DLG2: variants seen among roughly 807,000 people sequenced by gnomAD.
DLG2 encodes the protein discs large MAGUK scaffold protein 2.
DLG2 carries 45 observed loss-of-function variants against 132.5 expected under a neutral mutation model. That is an observed-to-expected ratio of 0.34 (90% confidence interval 0.27 to 0.44). The LOEUF is 0.44. Ranked by LOEUF, DLG2 falls within the 20% of genes least tolerant of loss-of-function variation. DLG2 has a pLI of 1.00. For synonymous variants in DLG2, 424 were observed against 419.6 expected (o/e 1.01, Z -0.13); for missense variants, 1,045 against 1,196.9 (o/e 0.87, Z 1.87).
chr11:84,186,616 C>T (rs185603803), intron 8 of DLG2, among the ~76,000 whole-genome samples: 30 of 152,024 alleles, frequency 2.0e-4, no homozygotes, highest in Non-Finnish European at 3.5e-4. Flanking sequence ...ACCTCTAATA[C>T]CCCACAGAGT....
intron 4 of DLG2, among the ~76,000 whole-genome samples, chr11:85,190,872 T>C (rs888922694): frequency 1.3e-5 from 2 of 152,176 alleles, no homozygotes; most frequent in Admixed American, 1.3e-4. Context: ...GTTGGTGATG[T>C]TGTGAAGAAA....
chr11:84,788,866 A>G (rs2073373504), intron 6 of DLG2, among the ~76,000 whole-genome samples: 1 of 152,104 alleles, frequency 6.6e-6, no homozygotes, highest in Non-Finnish European at 1.5e-5. Context: ...GTTTCCTCAT[A>G]TTATGGTCCT....
chr11:83,587,490 C>T (rs372014983), intron 19 of DLG2, among the ~76,000 whole-genome samples: 3 of 152,194 alleles, frequency 2.0e-5, no homozygotes, highest in Admixed American at 6.5e-5. Context: ...AGGCAGATCT[C>T]GAACTCCTGA....
chr11:84,942,640 A>T (rs1011803247), intron 6 of DLG2, among the ~76,000 whole-genome samples: 1 of 152,174 alleles, frequency 6.6e-6, no homozygotes, highest in African/African-American at 2.4e-5. Context: ...TCATGGCCCA[A>T]CATATGGGCA....
At chr11:85,103,054 T>C (rs2071131910) in intron 6 of DLG2, among the ~76,000 whole-genome samples, 1 of 152,018 alleles carries the variant, frequency 6.6e-6, no homozygotes, top group South Asian at 2.1e-4. Flanking sequence ...TTGGAATAAA[T>C]TTAGCAAAAG....
intron 6 of DLG2, among the ~76,000 whole-genome samples, chr11:84,796,932 T>C (rs1164522935): frequency 6.6e-6 from 1 of 151,998 alleles, no homozygotes; most frequent in Non-Finnish European, 1.5e-5. Context: ...CTGCAACCTC[T>C]GCCTCCTGGG....
chr11:85,518,730 A>T (rs1254699792), intron 3 of DLG2, among the ~76,000 whole-genome samples: 1 of 152,202 alleles, frequency 6.6e-6, no homozygotes, highest in Non-Finnish European at 1.5e-5. Flanking sequence ...CATGTTAGAG[A>T]TCTTCACAGC....
chr11:84,963,988 A>G (rs902945025), intron 6 of DLG2, among the ~76,000 whole-genome samples: 1 of 152,158 alleles, frequency 6.6e-6, no homozygotes, highest in Non-Finnish European at 1.5e-5. Context: ...TAATTAAAAT[A>G]TATCTATTTT....
At chr11:85,105,239 C>T (rs1315151923) in intron 6 of DLG2, among the ~76,000 whole-genome samples, 1 of 151,844 alleles carries the variant, frequency 6.6e-6, no homozygotes, top group Non-Finnish European at 1.5e-5. Context: ...AACCAATGTC[C>T]CCCTCCATAA....
At chr11:83,579,441 C>G (rs984041878) in intron 19 of DLG2, among the ~76,000 whole-genome samples, 1 of 152,124 alleles carries the variant, frequency 6.6e-6, no homozygotes, top group African/African-American at 2.4e-5. Flanking sequence ...TAATGGATAT[C>G]GCCACATTCC....
chr11:85,572,069 C>A (rs574800452), intron 3 of DLG2, among the ~76,000 whole-genome samples: 53 of 152,204 alleles, frequency 3.5e-4, no homozygotes, highest in Admixed American at 1.8e-3. Flanking sequence ...TTTCTCTTGA[C>A]AAAGTGCTCT....
At chr11:84,725,737 T>C (rs557035099) in intron 6 of DLG2, among the ~76,000 whole-genome samples, 4 of 152,178 alleles carry the variant, frequency 2.6e-5, no homozygotes, top group Non-Finnish European at 4.4e-5. Flanking sequence ...TACTATAGCA[T>C]TGCTATAAGG....
intron 7 of DLG2, among the ~76,000 whole-genome samples, chr11:84,487,008 T>G (rs1249683305): frequency 2.6e-5 from 4 of 152,058 alleles, no homozygotes; most frequent in Non-Finnish European, 5.9e-5. Flanking sequence ...CTACCCAAAA[T>G]TGGAAGTGAG....
chr11:84,450,979 G>A (rs144139310), intron 7 of DLG2, among the ~76,000 whole-genome samples: 6 of 151,766 alleles, frequency 4.0e-5, no homozygotes, highest in South Asian at 4.2e-4. Context: ...TCAGCATCAC[G>A]CAATATACCC....
chr11:85,035,382 T>C (rs1008955490), intron 6 of DLG2, among the ~76,000 whole-genome samples: 1 of 152,210 alleles, frequency 6.6e-6, no homozygotes, highest in Admixed American at 6.5e-5. Context: ...AGAGGTTTAA[T>C]TGATTCACAG....
At chr11:84,730,551 G>T (rs2063036181) in intron 6 of DLG2, among the ~76,000 whole-genome samples, 1 of 151,936 alleles carries the variant, frequency 6.6e-6, no homozygotes, top group African/African-American at 2.4e-5. Flanking sequence ...TGAAACAAAG[G>T]CAAATTGATC....
In DLG2 at chr11:83,709,912, T is replaced by C. The variant is rs549936715; in HGVS notation, c.1826-76587A>G. Among the ~76,000 whole-genome samples the C allele has an allele frequency of 2.6e-5, 4 of 152,332 alleles. No homozygotes were observed. The East Asian group carries it at 7.7e-4, about 29-fold the overall frequency. On this transcript the variant is annotated intron_variant, in intron 18 of 27. Coordinates refer to ENST00000376104, the MANE Select transcript of DLG2 (RefSeq NM_001142699.3). ...CTCTAAAAATCAGGTTAGGCCTTCC[T>C]TTCCCAACCCTTTCTAGCTTTACCC...
intron 7 of DLG2, among the ~76,000 whole-genome samples, chr11:84,465,622 T>A (rs926901267): frequency 3.3e-5 from 5 of 151,282 alleles, no homozygotes; most frequent in African/African-American, 7.3e-5. Context: ...ATTTTTGGAA[T>A]TATAGTACAT....
Position 83,747,670 on chromosome 11 carries a change from C to A in DLG2, c.1825+39020G>T, listed in dbSNP as rs545357726. ...AAAGTGTTGGGATTACAGGCATGAG[C>A]CACCGCACCCGGTTTTGAATTTTCT... On this transcript the variant is annotated intron_variant, in intron 18 of 27. Coordinates refer to ENST00000376104, the MANE Select transcript of DLG2 (RefSeq NM_001142699.3). Among the ~76,000 whole-genome samples, 11 of 152,218 alleles carry A rather than the reference C, an allele frequency of 7.2e-5. 1 individual carries two copies. The highest frequency in any genetic ancestry group is 5.9e-4 in the Admixed American group (9 of 15,276).
Sources: allele counts gnomAD v4.1 joint callset (sites outside exome capture counted in the v4.1 genomes callset), GRCh38; gene constraint gnomAD v4.1.1; transcripts MANE v1.5; gene names NCBI Gene and HGNC (gene_info 2026-07-23, HGNC 2026-07-21).